TOGARAM1: variants seen among roughly 807,000 people sequenced by gnomAD.
TOGARAM1 encodes the protein TOG array regulator of axonemal microtubules 1, also known as TOG array regulator of axonemal microtubules protein 1.
Under a neutral mutation model 166.6 loss-of-function variants are expected in TOGARAM1, and 100 were observed. That is an observed-to-expected ratio of 0.60 (90% CI 0.51 to 0.71). TOGARAM1 has a LOEUF of 0.71. TOGARAM1 is among the 30% of genes least tolerant of loss of function. The probability of loss-of-function intolerance (pLI) is 0.00; values close to 1 mark genes in which losing one functional copy is unlikely to be tolerated. For synonymous variants in TOGARAM1, 758 were observed against 763.8 expected (o/e 0.99, Z 0.13); for missense variants, 2,029 against 2,102.7 (o/e 0.96, Z 0.69).
chr14:44,964,028 T>C lies in TOGARAM1; in HGVS notation c.1607T>C (p.Val536Ala). The change falls in exon 1 of 20, where the codon GTA becomes GCA. Residue 536 changes from valine to alanine, a missense_variant. This residue lies in a region of TOGARAM1 where 1,453 missense variants were observed against 1,432.2 expected (regional missense o/e 1.01). Transcript: ENST00000361462. Reference sequence around the variant, plus strand: ...CAAGCAGCTTTAGAAGCTTTTGCCGTATTGGCATCATCAATGGGCTCAGGT... The same window carrying C: ...CAAGCAGCTTTAGAAGCTTTTGCCGCATTGGCATCATCAATGGGCTCAGGT... ...VRQAALEAFAVLASSMGSGKT... is the reference protein window; with the variant it reads ...VRQAALEAFAALASSMGSGKT... The C allele has an allele frequency of 6.2e-7, 1 of 1,614,196 alleles. No individual in the cohort carries two copies. The highest frequency in any genetic ancestry group is 8.5e-7 in the Non-Finnish European group (1 of 1,180,008).
intron 1 of TOGARAM1, among the ~76,000 whole-genome samples, chr14:44,974,759 GGT>G (rs1369170212): frequency 6.7e-6 from 1 of 149,108 alleles, no homozygotes; most frequent in East Asian, 2.0e-4. Flanking sequence ...TACCCCTTTC[GGT>G]GTGTGTGTCT....
intron 1 of TOGARAM1, among the ~76,000 whole-genome samples, chr14:44,989,243 ATTATT>A (rs1887008125): frequency 1.3e-5 from 2 of 152,146 alleles, no homozygotes; most frequent in Non-Finnish European, 2.9e-5. Context: ...ACTGTTAAAT[ATTATT>A]TTATTTGGCT....
At chr14:45,035,499 T>C (rs1448591334) in intron 11 of TOGARAM1, among the ~76,000 whole-genome samples, 1 of 151,912 alleles carries the variant, frequency 6.6e-6, no homozygotes, top group Non-Finnish European at 1.5e-5. Context: ...AAAAGAATAT[T>C]TGTAGAAAAA....
chr14:45,028,728 A>C (rs1881002799), intron 10 of TOGARAM1, among the ~76,000 whole-genome samples: 1 of 152,186 alleles, frequency 6.6e-6, no homozygotes, highest in South Asian at 2.1e-4. Flanking sequence ...TGCTTGGTCA[A>C]GAGTAGGCTC....
intron 1 of TOGARAM1, 59 bp from the exon 2 acceptor site, chr14:44,995,687 A>G (rs1048373149): frequency 1.6e-6 from 2 of 1,215,696 alleles, no homozygotes; most frequent in East Asian, 2.4e-5. Flanking sequence ...TTATTTTGTC[A>G]TATTTATTAC....
chr14:45,021,881 C>T (rs561147200), intron 7 of TOGARAM1, among the ~76,000 whole-genome samples: 4 of 152,040 alleles, frequency 2.6e-5, no homozygotes, highest in Non-Finnish European at 5.9e-5. Context: ...CTAAGTTGGC[C>T]GTCTCTCGGT....
intron 1 of TOGARAM1, among the ~76,000 whole-genome samples, chr14:44,990,379 C>A (rs1364651181): frequency 6.6e-6 from 1 of 152,162 alleles, no homozygotes; most frequent in Non-Finnish European, 1.5e-5. Flanking sequence ...GGCACATGAG[C>A]CACATTGCTC....
chr14:45,049,952 AT>A (rs1271932368), intron 14 of TOGARAM1, among the ~76,000 whole-genome samples: 1 of 152,146 alleles, frequency 6.6e-6, no homozygotes, highest in Non-Finnish European at 1.5e-5. Context: ...ATTTAAAGTT[AT>A]AAAATTATAA....
At chr14:44,967,266 T>A (rs973878882) in intron 1 of TOGARAM1, among the ~76,000 whole-genome samples, 1 of 152,168 alleles carries the variant, frequency 6.6e-6, no homozygotes, top group Admixed American at 6.5e-5. Context: ...CATCTTCCTT[T>A]ATTCCATATT....
At chr14:44,973,442 C>T (rs1886004429) in intron 1 of TOGARAM1, among the ~76,000 whole-genome samples, 1 of 151,932 alleles carries the variant, frequency 6.6e-6, no homozygotes, top group African/African-American at 2.4e-5. Flanking sequence ...TACATAAACA[C>T]ACAGACACAC....
intron 18 of TOGARAM1, among the ~76,000 whole-genome samples, chr14:45,069,550 AC>A (rs1301388360): frequency 6.6e-6 from 1 of 152,178 alleles, no homozygotes; most frequent in Non-Finnish European, 1.5e-5. Flanking sequence ...AAATATTTAA[AC>A]CATGAGGCTA....
intron 14 of TOGARAM1, among the ~76,000 whole-genome samples, chr14:45,050,560 G>A (rs1229810807): frequency 6.7e-6 from 1 of 150,092 alleles, no homozygotes; most frequent in Non-Finnish European, 1.5e-5. Flanking sequence ...GTCAAGACGG[G>A]TGGTCTTAAG....
chr14:45,049,565 T>A (rs1882256033), intron 14 of TOGARAM1, among the ~76,000 whole-genome samples: 1 of 152,098 alleles, frequency 6.6e-6, no homozygotes. Context: ...GGCCAGAAAG[T>A]TCTCTTCTTT....
intron 7 of TOGARAM1, among the ~76,000 whole-genome samples, chr14:45,014,419 AT>A (rs1425725373): frequency 5.9e-5 from 9 of 152,140 alleles, no homozygotes; most frequent in African/African-American, 1.4e-4. Context: ...TAAATTAGGT[AT>A]TTCTAGGATC....
chr14:45,028,827 A>G (rs950809783), intron 10 of TOGARAM1, among the ~76,000 whole-genome samples: 4 of 152,190 alleles, frequency 2.6e-5, no homozygotes, highest in African/African-American at 7.2e-5. Context: ...ATGAAAAATC[A>G]TGTGAACTAT....
chr14:45,022,198 G>A (rs893586506), intron 7 of TOGARAM1, among the ~76,000 whole-genome samples: 1 of 151,896 alleles, frequency 6.6e-6, no homozygotes, highest in Non-Finnish European at 1.5e-5. Context: ...AAGCCTCGGG[G>A]AAGTCCGCAT....
chr14:45,039,854 C>T (rs900813473), intron 11 of TOGARAM1, among the ~76,000 whole-genome samples: 2 of 152,128 alleles, frequency 1.3e-5, no homozygotes, highest in Non-Finnish European at 2.9e-5. Context: ...GGCATGGCTC[C>T]CACCTGTTCC....
intron 1 of TOGARAM1, among the ~76,000 whole-genome samples, chr14:44,968,029 A>G (rs1390401201): frequency 6.6e-6 from 1 of 152,200 alleles, no homozygotes. Context: ...AAGCAAAAAG[A>G]ATCTGAAGAT....
chr14:44,995,437 C>A, intron 1 of TOGARAM1: 1 of 464,036 alleles, frequency 2.2e-6, no homozygotes, highest in Non-Finnish European at 4.3e-6. Flanking sequence ...TTACGCTGCT[C>A]CGTCAGATCA....
Sources: allele counts gnomAD v4.1 joint callset (sites outside exome capture counted in the v4.1 genomes callset), GRCh38; gene constraint gnomAD v4.1.1; regional missense constraint gnomAD v4.1.1; transcripts MANE v1.5; gene names NCBI Gene and HGNC (gene_info 2026-07-23, HGNC 2026-07-21).